The following IFT52 variants were observed in gnomAD, a reference collection of about 807,000 sequenced individuals.
The protein encoded by IFT52 is intraflagellar transport protein 52 homolog.
In IFT52, 44 loss-of-function variants were observed where a neutral mutation model predicts 54.4. The observed-to-expected ratio is 0.81, with a 90% CI of 0.63 to 1.04. The LOEUF (loss-of-function observed/expected upper bound fraction) is 1.04. Ranked by LOEUF, IFT52 falls within the 50% of genes least tolerant of loss-of-function variation. IFT52 has a pLI of 0.00. For missense variants in IFT52, 452 were observed against 523.6 expected, an observed-to-expected ratio of 0.86 and a Z score of 1.33; for synonymous variants, 181 against 185.3, an observed-to-expected ratio of 0.98 and a Z score of 0.19.
rs745947292 is a variant in IFT52, at chr20:43,633,343, C to CA, written c.924-2573dup. ...GGGCCACAAGAGCGAAACTCCGTCT[C>CA]AAAAAAAAAAGGTCAAAATTATTTA... On this transcript the variant is annotated intron_variant, in intron 10 of 13. Coordinates refer to ENST00000373030, the MANE Select transcript of IFT52 (RefSeq NM_016004.5). Among the ~76,000 whole-genome samples, 758 of 143,274 alleles carry CA rather than the reference C, an allele frequency of 5.3e-3. 3 individuals are homozygous for CA. Among genetic ancestry groups the CA allele is most frequent in the Non-Finnish European group, 8.8e-3 (575 of 65,322 alleles). 94.0% of individuals were successfully genotyped at this position (143,274 alleles called of 152,430 possible). A position where few individuals can be genotyped will look rare whatever the true frequency, so the allele number is the denominator to read the frequency against.
intron 10 of IFT52, among the ~76,000 whole-genome samples, chr20:43,627,168 G>GA (rs955747034): frequency 1.3e-4 from 18 of 141,278 alleles, no homozygotes; most frequent in Non-Finnish European, 1.5e-4. Flanking sequence ...CTCCATCTCA[G>GA]AAAAAAAAAA....
intron 3 of IFT52, among the ~76,000 whole-genome samples, chr20:43,598,082 A>G (rs1474720753): frequency 6.6e-6 from 1 of 152,170 alleles, no homozygotes; most frequent in African/African-American, 2.4e-5. Context: ...TATGGTATAT[A>G]CATACAATGG....
At chr20:43,599,618 T>C (rs1156461993) in intron 3 of IFT52, among the ~76,000 whole-genome samples, 1 of 152,146 alleles carries the variant, frequency 6.6e-6, no homozygotes, top group Non-Finnish European at 1.5e-5. Context: ...GATCACTGCT[T>C]TCCTTGTCAT....
At position 43,613,418 on chromosome 20, in the gene IFT52, T is replaced by A. The variant is rs368246992; in HGVS notation, c.486-432T>A. ...TAAAATGCTTTATTAAATGTGTAGCTAGAGTTGTCCCAGTTTTTAAGTTAA... is the reference window on the plus strand; with the variant it reads ...TAAAATGCTTTATTAAATGTGTAGCAAGAGTTGTCCCAGTTTTTAAGTTAA... On this transcript the variant is annotated intron_variant, in intron 6 of 13. Coordinates refer to ENST00000373030, the MANE Select transcript of IFT52 (RefSeq NM_016004.5). 2.6e-5 allele frequency among the ~76,000 whole-genome samples: 4 copies of A among 152,234 alleles called. No individual in the cohort carries two copies. In the East Asian group the frequency reaches 5.8e-4, roughly 22 times the overall value.
At chr20:43,593,816 A>C (rs1981717461) in intron 1 of IFT52, among the ~76,000 whole-genome samples, 1 of 152,080 alleles carries the variant, frequency 6.6e-6, no homozygotes. Flanking sequence ...CTCCCACCTC[A>C]GCCTCTCAAA....
intron 3 of IFT52, among the ~76,000 whole-genome samples, chr20:43,599,674 C>G (rs1234846837): frequency 6.6e-6 from 1 of 152,092 alleles, no homozygotes; most frequent in Non-Finnish European, 1.5e-5. Context: ...CTGTGTGATG[C>G]CTTTTTCATG....
At chr20:43,597,088 TC>T (rs1359614021) in intron 3 of IFT52, among the ~76,000 whole-genome samples, 3 of 147,294 alleles carry the variant, frequency 2.0e-5, no homozygotes, top group Admixed American at 6.7e-5. Context: ...ATAGGAAAAT[TC>T]CGCCAGGCGC....
chr20:43,637,201 A>G lies in IFT52; in HGVS notation c.1068A>G (p.Leu356=), dbSNP rs1985595756. Residue 356 remains leucine (L), a synonymous_variant, in exon 12 of 14, where the codon TTA becomes TTG. Coordinates refer to ENST00000373030, the MANE Select transcript of IFT52 (RefSeq NM_016004.5). Reference sequence around the variant, plus strand: ...CTCCTCCTCTGGAGCTATTTGATTTAGATGAAACGTTCTCCTCTGAGAAGG... The same window carrying G: ...CTCCTCCTCTGGAGCTATTTGATTTGGATGAAACGTTCTCCTCTGAGAAGG... ...LPPPPLELFD[L]DETFSSEKAR... is the part of the protein sequence containing the mutation. 1 of 1,607,504 alleles carries G rather than the reference A, an allele frequency of 6.2e-7. No homozygotes were observed. The highest frequency in any genetic ancestry group is 8.5e-7 in the Non-Finnish European group (1 of 1,178,006).
At position 43,623,884 on chromosome 20, in the gene IFT52, C is replaced by G. The variant is rs746388993; in HGVS notation, c.769-7C>G. On this transcript the variant is annotated splice_polypyrimidine_tract_variant and splice_region_variant and intron_variant, in intron 9 of 13. Coordinates refer to ENST00000373030, the MANE Select transcript of IFT52 (RefSeq NM_016004.5). ...TGTGCTAAAAGGAACCCTCTTGTGGCTTTCAGATTTCTGACTACATGATGC... is the reference window on the plus strand; with the variant it reads ...TGTGCTAAAAGGAACCCTCTTGTGGGTTTCAGATTTCTGACTACATGATGC... The G allele has an allele frequency of 6.2e-7, 1 of 1,613,394 alleles. No individual in the cohort carries two copies.
intron 3 of IFT52, among the ~76,000 whole-genome samples, chr20:43,599,866 A>G (rs1982288332): frequency 6.6e-6 from 1 of 152,112 alleles, no homozygotes. Context: ...TGAGACGAGT[A>G]TTTTCCAACC....
At chr20:43,607,325 C>G (rs1346039784) in intron 6 of IFT52, among the ~76,000 whole-genome samples, 3 of 151,506 alleles carry the variant, frequency 2.0e-5, no homozygotes, top group African/African-American at 7.3e-5. Flanking sequence ...CCCCACCTCC[C>G]TCCCGGACTG....
chr20:43,626,074 A>G (rs2145646267), intron 10 of IFT52, among the ~76,000 whole-genome samples: 1 of 148,734 alleles, frequency 6.7e-6, no homozygotes, highest in East Asian at 2.0e-4. Flanking sequence ...AAAGACTGCG[A>G]GTAGATTTTG....
chr20:43,594,557 T>C (rs1981781591), intron 1 of IFT52, 136 bp from the exon 2 acceptor site: 1 of 607,752 alleles, frequency 1.6e-6, no homozygotes, highest in Non-Finnish European at 2.9e-6. Context: ...CCTTTGAGAA[T>C]TGTAGGAGTT....
chr20:43,633,783 T>C (rs746642309), intron 10 of IFT52, among the ~76,000 whole-genome samples: 2 of 151,884 alleles, frequency 1.3e-5, no homozygotes, highest in Non-Finnish European at 2.9e-5. Flanking sequence ...AAATTTAAGA[T>C]TGAAGTAGCT....
chr20:43,629,498 T>C (rs1985010753), intron 10 of IFT52, among the ~76,000 whole-genome samples: 1 of 152,140 alleles, frequency 6.6e-6, no homozygotes, highest in Non-Finnish European at 1.5e-5. Context: ...GGTCTCGATC[T>C]CCTGACCTCG....
At chr20:43,639,573 G>T (rs547694245) in intron 12 of IFT52, among the ~76,000 whole-genome samples, 15 of 152,336 alleles carry the variant, frequency 9.8e-5, no homozygotes, top group Admixed American at 7.8e-4. Context: ...GGGAGGCTGA[G>T]GCAGGAGAAT....
In IFT52 at chr20:43,623,961, G is replaced by A; in HGVS notation, c.839G>A (p.Ser280Asn). ...CGGAATCGAGAGTGTCTCCAGGAGA[G>A]TGATGAGATCCCAAGGGACTTTACC... ...SKRNRECLQE[S>N]DEIPRDFTTL... is the part of the protein sequence containing the mutation. The change falls in exon 10 of 14, where the codon AGT (serine) becomes AAT (asparagine). Residue 280 changes from serine (S) to asparagine (N), a missense_variant. Physicochemically the swap from Ser to Asn is conservative, Grantham distance 46. Coordinates refer to ENST00000373030, the MANE Select transcript of IFT52 (RefSeq NM_016004.5). 6.2e-7 allele frequency: 1 copy of A among 1,614,106 alleles called. No homozygotes were observed. The highest frequency in any genetic ancestry group is 8.5e-7 in the Non-Finnish European group (1 of 1,180,030).
At chr20:43,637,082 G>C (rs58218222) in intron 11 of IFT52, 63 bp from the exon 12 acceptor site, 1 of 1,144,440 alleles carries the variant, frequency 8.7e-7, no homozygotes, top group South Asian at 1.3e-5. Flanking sequence ...TCTTTCTTGA[G>C]AGACTTTATT....
Position 43,620,865 on chromosome 20 carries a change from T to G in IFT52, c.708T>G (p.Val236=), listed in dbSNP as rs925442531. The G allele has an allele frequency of 3.0e-5, 48 of 1,611,282 alleles. No individual in the cohort carries two copies. Among genetic ancestry groups the G allele is most frequent in the Admixed American group, 5.0e-5 (3 of 59,870 alleles). Residue 236 remains valine, a synonymous_variant, in exon 9 of 14, where the codon GTT becomes GTG. Coordinates refer to ENST00000373030, the MANE Select transcript of IFT52 (RefSeq NM_016004.5). ...TTTTTTTTTTAATTTAGGATGTTGT[T>G]TTCCAGTGGCTCACGACAGGAGACA... is the stretch of plus-strand genomic sequence containing the variant. The part of the protein sequence containing the change: ...KEENSKIMDV[V]FQWLTTGDIH...
Sources: gnomAD v4.1 joint callset for allele counts (sites outside exome capture counted in the v4.1 genomes callset) on GRCh38, gnomAD v4.1.1 for gene constraint, MANE v1.5 for transcripts, NCBI Gene and HGNC (gene_info 2026-07-23, HGNC 2026-07-21) for gene names.